Variants in NKAIN2 observed in about 807,000 individuals in gnomAD.
NKAIN2 encodes sodium/potassium-transporting ATPase subunit beta-1-interacting protein 2.
In NKAIN2, 14 loss-of-function variants were observed where a neutral mutation model predicts 32.6. The ratio of observed to expected loss-of-function variants is 0.43; its 90% CI spans 0.28 to 0.67. The LOEUF is 0.67. Among genes scored for constraint, NKAIN2 ranks in the 30% least tolerant of loss-of-function variants. The pLI is 0.17. For synonymous variants in NKAIN2, 80 were observed against 87.2 expected, an observed-to-expected ratio of 0.92 and a Z score of 0.46; for missense variants, 198 against 258.3, an observed-to-expected ratio of 0.77 and a Z score of 1.60.
rs747269444 is a variant in NKAIN2, at chr6:124,355,355, A to G, written c.273+8A>G. The G allele has an allele frequency of 6.5e-7, 1 of 1,541,728 alleles. No individual in the cohort carries two copies. The highest frequency in any genetic ancestry group is 9.0e-7 in the Non-Finnish European group (1 of 1,114,036). ...GCTGGGGACCTCTCAAAGGTAATTTACATCTAATTTGCCTGAGTCATCAGT... is the reference window on the plus strand; with the variant it reads ...GCTGGGGACCTCTCAAAGGTAATTTGCATCTAATTTGCCTGAGTCATCAGT... On this transcript the variant is annotated splice_region_variant and intron_variant, in intron 3 of 6. Coordinates refer to ENST00000368417, the MANE Select transcript of NKAIN2 (RefSeq NM_001040214.3).
At chr6:124,626,108 A>G (rs1242052699) in intron 3 of NKAIN2, among the ~76,000 whole-genome samples, 3 of 87,452 alleles carry the variant, frequency 3.4e-5, no homozygotes, top group Non-Finnish European at 7.1e-5. Context: ...CACACCCCAC[A>G]ACAGTCCCCA....
chr6:124,514,612 T>C (rs1456860051), intron 3 of NKAIN2, among the ~76,000 whole-genome samples: 1 of 152,130 alleles, frequency 6.6e-6, no homozygotes, highest in Non-Finnish European at 1.5e-5. Context: ...TAGATGGATC[T>C]ACCACAGGTA....
intron 4 of NKAIN2, among the ~76,000 whole-genome samples, chr6:124,755,223 G>A (rs977575154): frequency 6.6e-6 from 1 of 152,106 alleles, no homozygotes; most frequent in African/African-American, 2.4e-5. Context: ...CCAAAGGCAG[G>A]AGGAACAGAA....
At chr6:124,640,049 T>C (rs538863191) in intron 3 of NKAIN2, among the ~76,000 whole-genome samples, 51 of 152,262 alleles carry the variant, frequency 3.3e-4, no homozygotes, top group Non-Finnish European at 6.9e-4. Flanking sequence ...ATTTGATACA[T>C]GAATCAAAAT....
At chr6:124,387,495 C>T (rs1488512941) in intron 3 of NKAIN2, among the ~76,000 whole-genome samples, 1 of 152,036 alleles carries the variant, frequency 6.6e-6, no homozygotes, top group East Asian at 1.9e-4. Context: ...ATCCTCTTAT[C>T]TATCATTTTA....
intron 3 of NKAIN2, among the ~76,000 whole-genome samples, chr6:124,598,830 A>T (rs629356): frequency 0.67 from 102,159 of 151,964 alleles, 35,780 homozygotes; most frequent in Non-Finnish European, 0.77. Context: ...TATTCTGTGT[A>T]TTTGTACTTG....
intron 1 of NKAIN2, among the ~76,000 whole-genome samples, chr6:124,014,663 T>A (rs1780484312): frequency 6.6e-6 from 1 of 152,010 alleles, no homozygotes; most frequent in African/African-American, 2.4e-5. Flanking sequence ...TATTTACTTA[T>A]TAAAATACTC....
intron 1 of NKAIN2, among the ~76,000 whole-genome samples, chr6:124,114,618 C>T (rs1785526913): frequency 6.6e-6 from 1 of 151,938 alleles, no homozygotes; most frequent in African/African-American, 2.4e-5. Flanking sequence ...GAGAACTAAG[C>T]CCTGGACTCC....
intron 3 of NKAIN2, among the ~76,000 whole-genome samples, chr6:124,430,166 A>G: frequency 6.6e-6 from 1 of 152,224 alleles, no homozygotes; most frequent in East Asian, 1.9e-4. Context: ...GAAATTTACA[A>G]TATAGAGAAT....
intron 1 of NKAIN2, among the ~76,000 whole-genome samples, chr6:124,256,895 T>G (rs944887356): frequency 6.8e-6 from 1 of 147,576 alleles, no homozygotes; most frequent in African/African-American, 2.5e-5. Flanking sequence ...GTTTTTTTTT[T>G]TTTTTTTTTT....
At chr6:124,390,512 C>A (rs2114412074) in intron 3 of NKAIN2, among the ~76,000 whole-genome samples, 1 of 152,162 alleles carries the variant, frequency 6.6e-6, no homozygotes. Context: ...ATACCATCTG[C>A]AGATGAAGAT....
At chr6:124,702,733 C>T (rs569231535) in intron 4 of NKAIN2, among the ~76,000 whole-genome samples, 81 of 152,128 alleles carry the variant, frequency 5.3e-4, no homozygotes, top group African/African-American at 2.0e-3. Context: ...ATTTTGAAAG[C>T]CCAACTGCCA....
intron 1 of NKAIN2, among the ~76,000 whole-genome samples, chr6:124,036,184 C>T (rs926693474): frequency 5.3e-5 from 8 of 152,068 alleles, no homozygotes; most frequent in African/African-American, 1.4e-4. Flanking sequence ...CTTTTCTCCA[C>T]GCCAGATTTT....
At chr6:123,990,348 A>C (rs1490669772) in intron 1 of NKAIN2, among the ~76,000 whole-genome samples, 1 of 152,214 alleles carries the variant, frequency 6.6e-6, no homozygotes, top group Non-Finnish European at 1.5e-5. Context: ...TACCAGTTTT[A>C]TTCTAAAATA....
At chr6:124,110,188 C>T (rs1458119830) in intron 1 of NKAIN2, among the ~76,000 whole-genome samples, 16 of 148,604 alleles carry the variant, frequency 1.1e-4, no homozygotes, top group East Asian at 5.9e-4. Flanking sequence ...TTACTATTAT[C>T]GAGTGCAGTT....
chr6:124,028,776 C>T (rs1781245003), intron 1 of NKAIN2, among the ~76,000 whole-genome samples: 1 of 137,742 alleles, frequency 7.3e-6, no homozygotes, highest in Non-Finnish European at 1.5e-5. Context: ...AGTGTATATA[C>T]ATATATACGC....
At chr6:124,044,715 T>C (rs1246817511) in intron 1 of NKAIN2, among the ~76,000 whole-genome samples, 1 of 152,096 alleles carries the variant, frequency 6.6e-6, no homozygotes, top group Non-Finnish European at 1.5e-5. Context: ...AATGGTATTT[T>C]TGACCTTCTG....
intron 1 of NKAIN2, among the ~76,000 whole-genome samples, chr6:123,839,243 A>T (rs74524899): frequency 4.0e-5 from 6 of 151,736 alleles, no homozygotes; most frequent in African/African-American, 1.5e-4. Flanking sequence ...AAAAAAAAAA[A>T]TTGGAGTCAA....
chr6:124,079,387 G>A (rs1783845929), intron 1 of NKAIN2, among the ~76,000 whole-genome samples: 5 of 152,010 alleles, frequency 3.3e-5, no homozygotes, highest in Admixed American at 2.6e-4. Flanking sequence ...TAGCAGAATT[G>A]GTGAAAGATT....
Sources: gnomAD v4.1 joint callset for allele counts (sites outside exome capture counted in the v4.1 genomes callset) on GRCh38, gnomAD v4.1.1 for gene constraint, MANE v1.5 for transcripts, NCBI Gene and HGNC (gene_info 2026-07-23, HGNC 2026-07-21) for gene names.